HNRNPC: variants seen among roughly 807,000 people sequenced by gnomAD.
HNRNPC encodes the protein heterogeneous nuclear ribonucleoproteins C1/C2.
HNRNPC carries 3 observed loss-of-function variants against 33.2 expected under a neutral mutation model. The ratio of observed to expected loss-of-function variants is 0.09; its 90% CI spans 0.04 to 0.23. HNRNPC has a LOEUF of 0.23. Among genes scored for constraint, HNRNPC ranks in the 10% least tolerant of loss-of-function variants. HNRNPC has a pLI of 1.00. For missense variants in HNRNPC, 143 were observed against 366.7 expected (o/e 0.39, Z 4.98); for synonymous variants, 121 against 126.7 (o/e 0.96, Z 0.30).
intron 2 of HNRNPC, among the ~76,000 whole-genome samples, chr14:21,249,422 A>G (rs1396201758): frequency 2.2e-5 from 2 of 91,584 alleles, no homozygotes; most frequent in Admixed American, 1.3e-4. Context: ...TAAAAATACA[A>G]AAAAAAAAAA....
chr14:21,266,936 TAAA>T (rs1879085088), intron 1 of HNRNPC, among the ~76,000 whole-genome samples: 1 of 147,938 alleles, frequency 6.8e-6, no homozygotes, highest in Non-Finnish European at 1.5e-5. Flanking sequence ...ACTAAAAATA[TAAA>T]AATTAGCCCG....
chr14:21,252,233 T>TTG (rs1896749998), intron 2 of HNRNPC, among the ~76,000 whole-genome samples: 1 of 152,188 alleles, frequency 6.6e-6, no homozygotes, highest in Admixed American at 6.5e-5. Flanking sequence ...GTTATCCCCG[T>TTG]AGAAATAAAA....
At chr14:21,217,195 G>A (rs934466308) in intron 5 of HNRNPC, among the ~76,000 whole-genome samples, 4 of 152,174 alleles carry the variant, frequency 2.6e-5, no homozygotes, top group East Asian at 3.8e-4. Context: ...CAAAATGTTC[G>A]TAACATAGTT....
intron 2 of HNRNPC, among the ~76,000 whole-genome samples, chr14:21,256,913 CA>C (rs540678699): frequency 1.4e-4 from 22 of 152,250 alleles, no homozygotes; most frequent in African/African-American, 3.9e-4. Context: ...CTCAGCCTCC[CA>C]AAGTGCTGGG....
At chr14:21,255,990 A>G (rs1163627502) in intron 2 of HNRNPC, among the ~76,000 whole-genome samples, 1 of 152,216 alleles carries the variant, frequency 6.6e-6, no homozygotes, top group African/African-American at 2.4e-5. Flanking sequence ...AACATATCCA[A>G]TGTGTTCAAT....
intron 2 of HNRNPC, among the ~76,000 whole-genome samples, chr14:21,260,839 T>C (rs1047536059): frequency 6.6e-6 from 1 of 151,834 alleles, no homozygotes; most frequent in African/African-American, 2.4e-5. Flanking sequence ...GGTCCGTGCC[T>C]GTAGTCTCAG....
chr14:21,265,716 T>A (rs1040233359), intron 1 of HNRNPC, among the ~76,000 whole-genome samples: 1 of 152,144 alleles, frequency 6.6e-6, no homozygotes, highest in Admixed American at 6.6e-5. Flanking sequence ...AGGCAGAGGG[T>A]GCAGTGAGCT....
intron 1 of HNRNPC, among the ~76,000 whole-genome samples, chr14:21,265,839 T>G (rs1414918663): frequency 6.6e-6 from 1 of 152,172 alleles, no homozygotes; most frequent in Non-Finnish European, 1.5e-5. Context: ...CTCTAGGTTA[T>G]TCTTTGTCAA....
intron 2 of HNRNPC, among the ~76,000 whole-genome samples, chr14:21,244,873 C>A (rs1895784217): frequency 6.6e-6 from 1 of 151,628 alleles, no homozygotes; most frequent in Admixed American, 6.6e-5. Flanking sequence ...GTAATCCCAA[C>A]ACGGAGTTTG....
chr14:21,268,080 C>A (rs1025662376), intron 1 of HNRNPC, among the ~76,000 whole-genome samples: 1 of 152,084 alleles, frequency 6.6e-6, no homozygotes, highest in African/African-American at 2.4e-5. Context: ...GTGAGATTAA[C>A]AGATTGTGAA....
intron 2 of HNRNPC, among the ~76,000 whole-genome samples, chr14:21,257,825 T>G (rs930928396): frequency 3.9e-5 from 6 of 152,174 alleles, no homozygotes; most frequent in Non-Finnish European, 1.5e-5. Flanking sequence ...CCTCCCAAAG[T>G]GCTGGGATTA....
chr14:21,217,683 T>A (rs2139499363), intron 5 of HNRNPC, among the ~76,000 whole-genome samples: 1 of 152,292 alleles, frequency 6.6e-6, no homozygotes, highest in South Asian at 2.1e-4. Flanking sequence ...TAATATTCTA[T>A]CAGAAAGAAT....
intron 2 of HNRNPC, among the ~76,000 whole-genome samples, chr14:21,254,055 C>A (rs889072990): frequency 2.1e-5 from 3 of 141,204 alleles, no homozygotes; most frequent in Non-Finnish European, 3.0e-5. Context: ...AGTGAGATTC[C>A]GTCTCAAAAA....
intron 2 of HNRNPC, among the ~76,000 whole-genome samples, chr14:21,254,044 G>C (rs1896959733): frequency 7.0e-6 from 1 of 143,550 alleles, no homozygotes; most frequent in Non-Finnish European, 1.5e-5. Context: ...GCCTGGGCTA[G>C]AGTGAGATTC....
chr14:21,215,326 G>A (rs1892040142), intron 5 of HNRNPC, among the ~76,000 whole-genome samples: 1 of 152,060 alleles, frequency 6.6e-6, no homozygotes, highest in Non-Finnish European at 1.5e-5. Flanking sequence ...AAGTTAAAAG[G>A]GATATATATT....
rs761299524 is a variant in HNRNPC at position 21,211,277 on chromosome 14, C to T, written c.828G>A (p.Glu276=). 3.7e-6 allele frequency: 6 copies of T among 1,614,082 alleles called. No homozygotes were observed. The highest frequency in any genetic ancestry group is 1.3e-5 in the African/African-American group (1 of 74,926). Residue 276 remains glutamate, a synonymous_variant, in exon 9 of 9, where the codon GAG becomes GAA. Coordinates refer to ENST00000553300, the MANE Select transcript of HNRNPC (RefSeq NM_004500.4). ...CTCTGTCATCCTCTCCTTCCTCAGC[C>T]TCTTTTTCATCATCCTTGATCAACT... ...QLELIKDDEK[E]AEEGEDDRDS...
intron 2 of HNRNPC, among the ~76,000 whole-genome samples, chr14:21,242,439 G>A (rs938298314): frequency 1.3e-5 from 2 of 152,178 alleles, no homozygotes; most frequent in Non-Finnish European, 2.9e-5. Flanking sequence ...AGCCTAGATC[G>A]TGCCACTGCA....
At chr14:21,237,929 G>A (rs1472103509) in intron 2 of HNRNPC, among the ~76,000 whole-genome samples, 1 of 152,036 alleles carries the variant, frequency 6.6e-6, no homozygotes, top group African/African-American at 2.4e-5. Context: ...GCGCCACCAG[G>A]CCCGGCTAAT....
chr14:21,243,191 CA>C (rs1895561158), intron 2 of HNRNPC, among the ~76,000 whole-genome samples: 1 of 152,120 alleles, frequency 6.6e-6, no homozygotes, highest in African/African-American at 2.4e-5. Context: ...ATTTTACTAT[CA>C]ATTGTTTAAT....
Sources: allele counts gnomAD v4.1 joint callset (sites outside exome capture counted in the v4.1 genomes callset), GRCh38; gene constraint gnomAD v4.1.1; transcripts MANE v1.5; gene names NCBI Gene and HGNC (gene_info 2026-07-23, HGNC 2026-07-21).